Variants in LTBP1 observed in about 807,000 individuals in gnomAD.
LTBP1 encodes the protein latent transforming growth factor beta binding protein 1.
Under a neutral mutation model 207.6 loss-of-function variants are expected in LTBP1, and 129 were observed. That is an observed-to-expected ratio of 0.62 (90% CI 0.54 to 0.72). The LOEUF is 0.72. LTBP1 is among the 30% of genes least tolerant of loss of function. The pLI is 0.00. For synonymous variants in LTBP1, 963 were observed against 833.7 expected (o/e 1.16, Z -2.67); for missense variants, 2,281 against 2,217.2 (o/e 1.03, Z -0.58).
chr2:33,096,248 C>A (rs1039214347), intron 3 of LTBP1, among the ~76,000 whole-genome samples: 1 of 152,058 alleles, frequency 6.6e-6, no homozygotes, highest in African/African-American at 2.4e-5. Context: ...AGAAAATAAA[C>A]TATCTATACT....
At chr2:33,239,463 C>T (rs952575950) in intron 9 of LTBP1, among the ~76,000 whole-genome samples, 2 of 152,104 alleles carry the variant, frequency 1.3e-5, no homozygotes, top group Non-Finnish European at 2.9e-5. Context: ...GGACAGACTT[C>T]CACAGTTTTC....
chr2:33,124,115 T>C (rs867910291), intron 4 of LTBP1, among the ~76,000 whole-genome samples: 1 of 152,156 alleles, frequency 6.6e-6, no homozygotes, highest in African/African-American at 2.4e-5. Flanking sequence ...TTAACAAAAA[T>C]TACTCAAATG....
chr2:33,271,453 C>G (rs1020972387), intron 15 of LTBP1, among the ~76,000 whole-genome samples: 6 of 152,084 alleles, frequency 3.9e-5, no homozygotes, highest in African/African-American at 1.4e-4. Flanking sequence ...AATATAGAGT[C>G]GTGTGCATCT....
intron 24 of LTBP1, among the ~76,000 whole-genome samples, chr2:33,329,935 T>C (rs1282920757): frequency 6.6e-6 from 1 of 152,090 alleles, no homozygotes; most frequent in East Asian, 1.9e-4. Context: ...GGGATTTTGA[T>C]TGGAATTGAG....
intron 7 of LTBP1, among the ~76,000 whole-genome samples, chr2:33,196,508 A>C (rs1448906876): frequency 2.0e-5 from 3 of 152,144 alleles, no homozygotes; most frequent in Non-Finnish European, 2.9e-5. Flanking sequence ...GAAATGACCA[A>C]GGGCCAATCT....
At chr2:33,395,575 A>T (rs1373704699) in intron 32 of LTBP1, among the ~76,000 whole-genome samples, 1 of 152,138 alleles carries the variant, frequency 6.6e-6, no homozygotes, top group East Asian at 1.9e-4. Flanking sequence ...ATCTCCCCTC[A>T]GGGCACCTAA....
At chr2:33,300,627 G>T (rs147267969) in intron 21 of LTBP1, 54 bp downstream of exon 21, 1 of 1,565,354 alleles carries the variant, frequency 6.4e-7, no homozygotes, top group East Asian at 2.3e-5. Context: ...CACCTGGTCT[G>T]AAAAAGGTAC....
intron 3 of LTBP1, among the ~76,000 whole-genome samples, chr2:33,070,132 G>C (rs2077717627): frequency 6.6e-6 from 1 of 152,182 alleles, no homozygotes; most frequent in Admixed American, 6.5e-5. Context: ...CATGGTCCTG[G>C]CAACACACTT....
intron 2 of LTBP1, among the ~76,000 whole-genome samples, chr2:32,999,336 C>G (rs1685751143): frequency 1.3e-5 from 2 of 152,138 alleles, no homozygotes; most frequent in African/African-American, 4.8e-5. Context: ...AAAAAGATAC[C>G]AAGGCCTTGC....
chr2:33,227,474 C>T (rs562951897), intron 9 of LTBP1, among the ~76,000 whole-genome samples: 1 of 152,238 alleles, frequency 6.6e-6, no homozygotes, highest in Non-Finnish European at 1.5e-5. Context: ...TACCTCTAAA[C>T]AGAAAATATA....
intron 4 of LTBP1, among the ~76,000 whole-genome samples, chr2:33,119,059 C>A (rs2080951477): frequency 6.6e-6 from 1 of 152,026 alleles, no homozygotes; most frequent in Admixed American, 6.5e-5. Context: ...GTTATAAGGG[C>A]CCAAGAGTTT....
chr2:33,115,794 T>C (rs1558656135), intron 4 of LTBP1, among the ~76,000 whole-genome samples: 1 of 152,178 alleles, frequency 6.6e-6, no homozygotes, highest in Admixed American at 6.5e-5. Flanking sequence ...ATAAAAATGG[T>C]CAGTCAAGAT....
intron 25 of LTBP1, among the ~76,000 whole-genome samples, chr2:33,343,928 T>C (rs2094666096): frequency 6.6e-6 from 1 of 152,238 alleles, no homozygotes; most frequent in Non-Finnish European, 1.5e-5. Context: ...ACTTTATAGA[T>C]AGCAAGACTT....
At chr2:33,265,584 T>C (rs980544323) in intron 15 of LTBP1, among the ~76,000 whole-genome samples, 18 of 152,300 alleles carry the variant, frequency 1.2e-4, no homozygotes, top group Admixed American at 1.1e-3. Flanking sequence ...TTGCTAAATT[T>C]AAGATGAAGG....
intron 3 of LTBP1, among the ~76,000 whole-genome samples, chr2:33,099,201 A>G (rs1035678260): frequency 1.3e-5 from 2 of 152,204 alleles, no homozygotes; most frequent in African/African-American, 2.4e-5. Flanking sequence ...ATTGGAACAG[A>G]TGTTTGAATT....
chr2:33,229,049 A>G (rs2091635203), intron 9 of LTBP1, among the ~76,000 whole-genome samples: 1 of 152,118 alleles, frequency 6.6e-6, no homozygotes, highest in East Asian at 1.9e-4. Context: ...TACCAATTAT[A>G]TATTTGTTTA....
At chr2:33,170,056 A>G (rs1250871389) in intron 5 of LTBP1, among the ~76,000 whole-genome samples, 3 of 152,348 alleles carry the variant, frequency 2.0e-5, no homozygotes, top group South Asian at 2.1e-4. Context: ...GCTCTGGTCC[A>G]CAGCTCCCAG....
chr2:33,359,235 G>C (rs1030956189), intron 26 of LTBP1, among the ~76,000 whole-genome samples: 5 of 152,162 alleles, frequency 3.3e-5, no homozygotes, highest in Non-Finnish European at 7.3e-5. Context: ...GTTCTGAGAG[G>C]AGTATATATT....
rs911170800 is a variant in LTBP1 at position 33,293,263 on chromosome 2, G to A, written c.3216G>A (p.Pro1072=). The change falls in exon 20 of 34, where the codon CCG becomes CCA. Residue 1072 remains proline (P), a synonymous_variant. Transcript: ENST00000404816. ...GCCACAAAGGCTATACCCGGACTCC[G>A]GACCACAAGCACTGTAGAGGTAAAT... ...CSCHKGYTRT[P]DHKHCRDIDE... is the part of the protein sequence containing the mutation. The A allele has an allele frequency of 8.1e-6, 13 of 1,613,376 alleles. No homozygotes were observed. Among genetic ancestry groups the A allele is most frequent in the East Asian group, 2.2e-5 (1 of 44,862 alleles).
Sources: allele counts gnomAD v4.1 joint callset (sites outside exome capture counted in the v4.1 genomes callset), GRCh38; gene constraint gnomAD v4.1.1; transcripts MANE v1.5; gene names NCBI Gene and HGNC (gene_info 2026-07-23, HGNC 2026-07-21).